The following CFTR variants were observed in gnomAD, a reference collection of about 807,000 sequenced individuals.
CFTR encodes the protein cystic fibrosis transmembrane conductance regulator.
Under a neutral mutation model 171.6 loss-of-function variants are expected in CFTR, and 181 were observed. The ratio of observed to expected loss-of-function variants is 1.05; its 90% CI spans 0.93 to 1.19. The LOEUF is 1.19. CFTR is among the 50% of genes most tolerant of loss of function. The pLI is 0.00. For synonymous variants in CFTR, 583 were observed against 608.0 expected (o/e 0.96, Z 0.60); for missense variants, 1,968 against 1,734.7 (o/e 1.13, Z -2.39).
At chr7:117,538,267 G>A (rs1408244107) in intron 7 of CFTR, among the ~76,000 whole-genome samples, 1 of 152,122 alleles carries the variant, frequency 6.6e-6, no homozygotes, top group Non-Finnish European at 1.5e-5. Flanking sequence ...GGCCACTGTT[G>A]TACTGGTCAA....
Position 117,480,144 on chromosome 7 carries a change from TC to T in CFTR, c.51del (p.Phe17LeufsTer8), listed in dbSNP as rs1317756653. ...GCCAGCGTTGTCTCCAAACTTTTTT[TC>T]AGGTGAGAAGGTGGCCAACCGAGCT... ...EKASVVSKLF[F>X]SWTRPILRKG... is the part of the protein sequence containing the mutation. On this transcript the variant is annotated frameshift_variant and splice_region_variant, in exon 1 of 27. Transcript: ENST00000003084. LOFTEE classifies it high-confidence loss of function. 1 of 1,613,580 alleles carries T rather than the reference TC, an allele frequency of 6.2e-7. No homozygotes were observed. Among genetic ancestry groups the T allele is most frequent in the African/African-American group, 1.3e-5 (1 of 74,826 alleles).
chr7:117,482,819 G>T (rs982029717), intron 1 of CFTR, among the ~76,000 whole-genome samples: 7 of 152,112 alleles, frequency 4.6e-5, no homozygotes, highest in Non-Finnish European at 7.4e-5. Flanking sequence ...TCGTTTAGTT[G>T]TAAGAGTGTA....
At chr7:117,548,588 A>G (rs1799205939) in intron 9 of CFTR, 53 bp from the exon 10 acceptor site, 3 of 1,579,324 alleles carry the variant, frequency 1.9e-6, no homozygotes, top group Non-Finnish European at 2.6e-6. Context: ...TATCTGACAA[A>G]CTCATCTTTT....
chr7:117,522,402 A>G (rs1798698469), intron 3 of CFTR, among the ~76,000 whole-genome samples: 1 of 152,318 alleles, frequency 6.6e-6, no homozygotes, highest in African/African-American at 2.4e-5. Flanking sequence ...AGAGACTAAA[A>G]TAACACAGCC....
At chr7:117,564,605 A>G (rs1424335570) in intron 11 of CFTR, 2 of 166,946 alleles carry the variant, frequency 1.2e-5, no homozygotes, top group Non-Finnish European at 1.5e-5. Flanking sequence ...GCAAACATTC[A>G]TGATTCAGTA....
intron 1 of CFTR, among the ~76,000 whole-genome samples, chr7:117,497,748 T>C (rs1316744981): frequency 6.6e-6 from 1 of 152,192 alleles, no homozygotes; most frequent in African/African-American, 2.4e-5. Flanking sequence ...TTATAGAAAA[T>C]TAATATTGAT....
intron 13 of CFTR, among the ~76,000 whole-genome samples, chr7:117,590,739 T>C (rs1792013647): frequency 1.3e-5 from 2 of 152,118 alleles, no homozygotes; most frequent in Admixed American, 6.5e-5. Context: ...TATATATTAC[T>C]TTAATTATTA....
At chr7:117,665,352 GAAAT>G in intron 25 of CFTR, 103 bp from the exon 26 acceptor site, 1 of 736,878 alleles carries the variant, frequency 1.4e-6, no homozygotes, top group Non-Finnish European at 2.3e-6. Flanking sequence ...AGAACTTAAA[GAAAT>G]AAGTAATTTA....
intron 24 of CFTR, among the ~76,000 whole-genome samples, chr7:117,657,843 T>A (rs1234668533): frequency 6.6e-6 from 1 of 152,208 alleles, no homozygotes; most frequent in Non-Finnish European, 1.5e-5. Flanking sequence ...ACAGTGATAA[T>A]TCCAGGCCAA....
chr7:117,592,257 G>A lies in CFTR; in HGVS notation c.2090G>A (p.Arg697Lys). 2 of 1,613,886 alleles carry A rather than the reference G, an allele frequency of 1.2e-6. No individual in the cohort carries two copies. Among genetic ancestry groups the A allele is most frequent in the Admixed American group, 1.7e-5 (1 of 60,024 alleles). Residue 697 changes from arginine (R) to lysine (K), a missense_variant, in exon 14 of 27, where the codon AGG (arginine) becomes AAG (lysine). Coordinates refer to ENST00000003084, the MANE Select transcript of CFTR (RefSeq NM_000492.4). ...FKQTGEFGEKRKNSILNPINS... is the reference protein window; with the variant it reads ...FKQTGEFGEKKKNSILNPINS... Reference sequence around the variant, plus strand: ...CAGACTGGAGAGTTTGGGGAAAAAAGGAAGAATTCTATTCTCAATCCAATC... The same window carrying A: ...CAGACTGGAGAGTTTGGGGAAAAAAAGAAGAATTCTATTCTCAATCCAATC...
chr7:117,586,179 TC>T, intron 11 of CFTR: 1 of 152,160 alleles, frequency 6.6e-6, no homozygotes, highest in Non-Finnish European at 1.5e-5. Context: ...TTGGATGGAA[TC>T]CTAGGTATGT....
intron 23 of CFTR, among the ~76,000 whole-genome samples, chr7:117,648,342 G>GGCT (rs1793029749): frequency 6.6e-6 from 1 of 151,944 alleles, no homozygotes; most frequent in Admixed American, 6.6e-5. Context: ...AATGCCTGTT[G>GGCT]CAGTGAAATA....
intron 1 of CFTR, among the ~76,000 whole-genome samples, chr7:117,498,860 A>G (rs1798278827): frequency 1.4e-5 from 2 of 138,336 alleles, no homozygotes; most frequent in African/African-American, 2.7e-5. Context: ...TGTGTGGCCT[A>G]TTTCAAACTC....
rs1800079 is a variant in CFTR, at chr7:117,534,295, G to A, written c.509G>A (p.Arg170His). 819 of 1,593,672 alleles carry A rather than the reference G, an allele frequency of 5.1e-4. No homozygotes were observed. Among genetic ancestry groups the A allele is most frequent in the Non-Finnish European group, 4.6e-4 (535 of 1,162,296 alleles). ...TTTTAGACTTTAAAGCTGTCAAGCCGTGTTCTAGATAAAATAAGTATTGGA... is the reference window on the plus strand; with the variant it reads ...TTTTAGACTTTAAAGCTGTCAAGCCATGTTCTAGATAAAATAAGTATTGGA... The part of the protein sequence containing the change: ...IYKKTLKLSS[R>H]VLDKISIGQL... The change falls in exon 5 of 27, where the codon CGT becomes CAT. Residue 170 changes from arginine to histidine, a missense_variant. By Grantham distance (29) the Arg-to-His change is conservative (BLOSUM62 0). Transcript: ENST00000003084.
chr7:117,651,715 A>T (rs890124623), intron 23 of CFTR, among the ~76,000 whole-genome samples: 5 of 152,150 alleles, frequency 3.3e-5, no homozygotes, highest in Admixed American at 2.6e-4. Flanking sequence ...TCTTTAAGTC[A>T]TCAGTTATGC....
chr7:117,635,266 C>T (rs1792808650), intron 22 of CFTR, among the ~76,000 whole-genome samples: 1 of 152,036 alleles, frequency 6.6e-6, no homozygotes. Context: ...CTCCAGGTCT[C>T]TTTTGGTTGG....
intron 23 of CFTR, 137 bp from the exon 24 acceptor site, chr7:117,652,705 A>T (rs1793105779): frequency 1.8e-6 from 1 of 554,520 alleles, no homozygotes; most frequent in Non-Finnish European, 3.2e-6. Context: ...AATTTGAGAG[A>T]ACTTGATGGT....
At chr7:117,625,920 A>C (rs1792642688) in intron 21 of CFTR, among the ~76,000 whole-genome samples, 1 of 152,134 alleles carries the variant, frequency 6.6e-6, no homozygotes, top group Non-Finnish European at 1.5e-5. Context: ...CTACCCCTGA[A>C]AGTAACTCAT....
Position 117,548,105 on chromosome 7 carries a change from C to T in CFTR, c.1210-536C>T, listed in dbSNP as rs1441037648. ...CTGGCAATCTCTTCATATTTATATT[C>T]AACAATAATTACTTAAAGAAATGCT... On this transcript the variant is annotated intron_variant, in intron 9 of 26. Transcript: ENST00000003084. Among the ~76,000 whole-genome samples the T allele has an allele frequency of 2.0e-5, 3 of 152,048 alleles. No homozygotes were observed. In the East Asian group the frequency reaches 5.8e-4, roughly 29 times the overall value.
Sources: allele counts gnomAD v4.1 joint callset (sites outside exome capture counted in the v4.1 genomes callset), GRCh38; gene constraint gnomAD v4.1.1; transcripts MANE v1.5; gene names NCBI Gene and HGNC (gene_info 2026-07-23, HGNC 2026-07-21).